SPATC1L: variants seen among roughly 807,000 people sequenced by gnomAD.
SPATC1L encodes speriolin-like protein.
SPATC1L carries 20 observed loss-of-function variants against 21.2 expected under a neutral mutation model. That is an observed-to-expected ratio of 0.94 (90% CI 0.66 to 1.37). The LOEUF is 1.37. Ranked by LOEUF, SPATC1L falls within the 40% of genes most tolerant of loss-of-function variation. The probability of loss-of-function intolerance (pLI) is 0.00; values close to 1 mark genes in which losing one functional copy is unlikely to be tolerated. For synonymous variants in SPATC1L, 290 were observed against 234.5 expected (o/e 1.24, Z -2.16); for missense variants, 499 against 478.7 (o/e 1.04, Z -0.40).
intron 2 of SPATC1L, among the ~76,000 whole-genome samples, chr21:46,175,070 C>T (rs1379672115): frequency 2.0e-5 from 3 of 152,256 alleles, no homozygotes; most frequent in East Asian, 3.9e-4. Context: ...TTTGGGTAAA[C>T]AGTGAAATTA....
chr21:46,178,180 C>T (rs1057302570), intron 2 of SPATC1L, among the ~76,000 whole-genome samples: 2 of 141,006 alleles, frequency 1.4e-5, no homozygotes, highest in East Asian at 2.1e-4. Context: ...TGCAGCGAGC[C>T]GAGATCGTGC....
chr21:46,178,968 G>T (rs1238376144), intron 2 of SPATC1L, among the ~76,000 whole-genome samples: 1 of 152,026 alleles, frequency 6.6e-6, no homozygotes, highest in Non-Finnish European at 1.5e-5. Flanking sequence ...CAGCTGGACA[G>T]TGGCTCAAGC....
chr21:46,171,427 T>C (rs2079589210), intron 2 of SPATC1L, among the ~76,000 whole-genome samples: 1 of 15,384 alleles, frequency 6.5e-5, no homozygotes, highest in African/African-American at 2.6e-4. Flanking sequence ...AGAATCCATC[T>C]CAAAAAAAAA....
chr21:46,165,597 C>A (rs2079534357), intron 3 of SPATC1L, among the ~76,000 whole-genome samples: 1 of 149,676 alleles, frequency 6.7e-6, no homozygotes, highest in Non-Finnish European at 1.5e-5. Flanking sequence ...TTAGCCTCTC[C>A]TATAGAAACC....
At chr21:46,171,972 G>A (rs1320069646) in intron 2 of SPATC1L, among the ~76,000 whole-genome samples, 2 of 108,794 alleles carry the variant, frequency 1.8e-5, no homozygotes, top group African/African-American at 3.1e-5. Flanking sequence ...ACCATGGCCA[G>A]GCCAAAAATA....
chr21:46,161,371 G>A lies in SPATC1L; in HGVS notation c.*8C>T, dbSNP rs775830808. On this transcript the variant is annotated 3_prime_UTR_variant, in exon 5 of 5. Transcript: ENST00000291672. ...TTACTGCAGGCAAGGCGGCGGGCGC[G>A]GGGCGGCTCACCAGGCGAAGAGGGG... 10 of 1,504,466 alleles carry A rather than the reference G, an allele frequency of 6.6e-6. No homozygotes were observed. In the East Asian group the frequency reaches 6.9e-5, roughly 10 times the overall value. 93.2% of individuals were successfully genotyped at this position (1,504,466 alleles called of 1,614,324 possible).
chr21:46,181,314 C>T (rs1031096344), intron 2 of SPATC1L, among the ~76,000 whole-genome samples: 5 of 152,160 alleles, frequency 3.3e-5, no homozygotes, highest in African/African-American at 4.8e-5. Context: ...CCTGGGGCCT[C>T]GCACAGCATG....
At chr21:46,173,378 T>G (rs2123642961) in intron 2 of SPATC1L, among the ~76,000 whole-genome samples, 1 of 152,254 alleles carries the variant, frequency 6.6e-6, no homozygotes, top group East Asian at 1.9e-4. Flanking sequence ...CCAGCCTGCC[T>G]GCTCCCTCCT....
intron 2 of SPATC1L, among the ~76,000 whole-genome samples, chr21:46,180,752 G>A (rs62215184): frequency 0.041 from 6,207 of 152,248 alleles, 179 homozygotes; most frequent in Non-Finnish European, 0.065. Flanking sequence ...TTAGAGGGTG[G>A]TCTTGTCCAG....
rs66628257 is a variant in SPATC1L at position 46,171,939 on chromosome 21, GAAAAAAAA to G, written c.194-3289_194-3282del. ...CAAATTCCTACAAAGATAACCCCCA[GAAAAAAAA>G]AAAAAAAAAAAAAAACCATGGCCAG... On this transcript the variant is annotated intron_variant, in intron 2 of 4. Coordinates refer to ENST00000291672, the MANE Select transcript of SPATC1L (RefSeq NM_001142854.2). 3.4e-4 allele frequency among the ~76,000 whole-genome samples: 23 copies of G among 67,818 alleles called. 1 individual carries two copies. The South Asian group carries it at 0.017, about 49-fold the overall frequency. The allele number at this position is 67,818 out of a possible 152,430, so 44.5% of individuals were successfully genotyped here.
chr21:46,177,439 A>T (rs1368352236), intron 2 of SPATC1L, among the ~76,000 whole-genome samples: 2 of 152,248 alleles, frequency 1.3e-5, no homozygotes, highest in Non-Finnish European at 2.9e-5. Flanking sequence ...CCCCATTAAA[A>T]AGTGGGCAAA....
intron 2 of SPATC1L, among the ~76,000 whole-genome samples, chr21:46,172,050 T>C (rs1380652160): frequency 1.6e-5 from 1 of 62,440 alleles, no homozygotes; most frequent in Non-Finnish European, 3.5e-5. Flanking sequence ...GCACAGAGCA[T>C]GAGGCAGGAG....
chr21:46,161,327 C>CG lies in SPATC1L; in HGVS notation c.*51dup, dbSNP rs1260069446. 5.5e-6 allele frequency: 8 copies of CG among 1,441,644 alleles called. No homozygotes were observed. Among genetic ancestry groups the CG allele is most frequent in the Non-Finnish European group, 6.4e-6 (7 of 1,099,688 alleles). The allele number at this position is 1,441,644 out of a possible 1,614,324, so 89.3% of individuals were successfully genotyped here. The stretch of plus-strand genomic sequence containing the variant: ...GGACGCGCAGGAGGCACCGCGGCCC[C>CG]GGGTTGGAACAAACGCGTTTACTGC... On this transcript the variant is annotated 3_prime_UTR_variant, in exon 5 of 5. Transcript: ENST00000291672.
chr21:46,177,393 G>A (rs2079640159), intron 2 of SPATC1L, among the ~76,000 whole-genome samples: 1 of 151,994 alleles, frequency 6.6e-6, no homozygotes, highest in Admixed American at 6.6e-5. Context: ...GCATCTATAA[G>A]GAACTTAAAG....
Sources: allele counts gnomAD v4.1 joint callset (sites outside exome capture counted in the v4.1 genomes callset), GRCh38; gene constraint gnomAD v4.1.1; transcripts MANE v1.5; gene names NCBI Gene and HGNC (gene_info 2026-07-23, HGNC 2026-07-21).